The following NTM variants were observed in gnomAD, a reference collection of about 807,000 sequenced individuals.
The protein encoded by NTM is neurotrimin, also known as IgLON family member 2.
A neutral mutation model predicts 42.1 loss-of-function variants in NTM; 13 were observed. That is an observed-to-expected ratio of 0.31 (90% CI 0.20 to 0.49). The LOEUF (loss-of-function observed/expected upper bound fraction) is 0.49. Among genes scored for constraint, NTM ranks in the 20% least tolerant of loss-of-function variants. The pLI is 0.99. For synonymous variants in NTM, 187 were observed against 179.2 expected (o/e 1.04, Z -0.35); for missense variants, 373 against 452.8 (o/e 0.82, Z 1.60).
chr11:132,062,837 T>C (rs11222897), intron 2 of NTM, among the ~76,000 whole-genome samples: 15,837 of 152,154 alleles, frequency 0.1, 854 homozygotes, highest in South Asian at 0.19. Flanking sequence ...AGAAACTCCA[T>C]GGAGTAAATT....
At chr11:131,939,773 G>A (rs1298052148) in intron 2 of NTM, among the ~76,000 whole-genome samples, 1 of 152,186 alleles carries the variant, frequency 6.6e-6, no homozygotes, top group Non-Finnish European at 1.5e-5. Context: ...TTTACCAAAT[G>A]AAGAAGTGGA....
At chr11:132,127,467 C>T (rs2137023866) in intron 2 of NTM, among the ~76,000 whole-genome samples, 1 of 152,318 alleles carries the variant, frequency 6.6e-6, no homozygotes, top group South Asian at 2.1e-4. Flanking sequence ...AGGCCTGAGC[C>T]CTCTATAACA....
chr11:131,563,827 A>T (rs1253077789), intron 1 of NTM, among the ~76,000 whole-genome samples: 1 of 151,958 alleles, frequency 6.6e-6, no homozygotes, highest in Non-Finnish European at 1.5e-5. Context: ...TTTTCTGTCC[A>T]TGAGGCTTAA....
rs111860224 is a variant in NTM at position 131,707,801 on chromosome 11, T to C, written c.83-203763T>C. 7.9e-3 allele frequency among the ~76,000 whole-genome samples: 1,198 copies of C among 152,220 alleles called. 7 individuals carry two copies. Among genetic ancestry groups the C allele is most frequent in the Non-Finnish European group, 0.012 (801 of 67,962 alleles). On this transcript the variant is annotated intron_variant, in intron 1 of 8. Coordinates refer to ENST00000683400, the MANE Select transcript of NTM (RefSeq NM_001352005.2). ...CAACATAATAAAGGTGACAAGTCCA[T>C]AGCTAACATCATACTCAATGGTGAA...
intron 2 of NTM, among the ~76,000 whole-genome samples, chr11:132,083,148 T>G (rs2059294459): frequency 6.6e-6 from 1 of 152,224 alleles, no homozygotes; most frequent in African/African-American, 2.4e-5. Flanking sequence ...TTGTTTCTTC[T>G]GAGTTGCAGC....
chr11:131,752,296 C>CAGAGAA (rs2082660915), intron 1 of NTM, among the ~76,000 whole-genome samples: 1 of 152,194 alleles, frequency 6.6e-6, no homozygotes, highest in Non-Finnish European at 1.5e-5. Context: ...AAATGCTCAT[C>CAGAGAA]ATCACTGACC....
rs538855322 is a variant in NTM, at chr11:131,481,208, T to G, written c.82+110320T>G. ...TAAGAATATGGGCTTGAGGTGAATATTTAGCAGAATATTGAAGGTCAAGAG... is the reference window on the plus strand; with the variant it reads ...TAAGAATATGGGCTTGAGGTGAATAGTTAGCAGAATATTGAAGGTCAAGAG... On this transcript the variant is annotated intron_variant, in intron 1 of 8. Transcript: ENST00000683400. Among the ~76,000 whole-genome samples the G allele has an allele frequency of 8.5e-4, 129 of 152,278 alleles. 1 individual carries two copies. Among genetic ancestry groups the G allele is most frequent in the African/African-American group, 2.9e-3 (121 of 41,552 alleles).
At chr11:131,905,880 T>C (rs1288203707) in intron 1 of NTM, among the ~76,000 whole-genome samples, 1 of 152,100 alleles carries the variant, frequency 6.6e-6, no homozygotes, top group African/African-American at 2.4e-5. Flanking sequence ...AGAACCAAGA[T>C]TGTGCCTGGG....
intron 2 of NTM, among the ~76,000 whole-genome samples, chr11:132,135,337 A>T: frequency 6.6e-6 from 1 of 152,120 alleles, no homozygotes; most frequent in Admixed American, 6.5e-5. Context: ...CCTCCCAAAT[A>T]TCTCACACTC....
chr11:131,396,075 C>T (rs1009891398), intron 1 of NTM, among the ~76,000 whole-genome samples: 1 of 152,072 alleles, frequency 6.6e-6, no homozygotes, highest in Non-Finnish European at 1.5e-5. Context: ...CATGCAATGT[C>T]CCAGCACTCA....
At chr11:131,385,898 A>G (rs1440856456) in intron 1 of NTM, among the ~76,000 whole-genome samples, 5 of 152,214 alleles carry the variant, frequency 3.3e-5, no homozygotes, top group Admixed American at 1.3e-4. Context: ...TAAACATACT[A>G]AATCAGTCAG....
intron 1 of NTM, among the ~76,000 whole-genome samples, chr11:131,894,182 G>T (rs921569025): frequency 6.6e-6 from 1 of 152,162 alleles, no homozygotes; most frequent in Admixed American, 6.5e-5. Flanking sequence ...GCAATTGTGC[G>T]GCTTCTCTTC....
intron 1 of NTM, among the ~76,000 whole-genome samples, chr11:131,732,569 A>G (rs1462717699): frequency 6.6e-6 from 1 of 152,208 alleles, no homozygotes; most frequent in African/African-American, 2.4e-5. Context: ...ATTTTGATGA[A>G]ACGCCCCCAA....
intron 1 of NTM, among the ~76,000 whole-genome samples, chr11:131,745,992 G>C (rs1435695495): frequency 6.6e-6 from 1 of 152,006 alleles, no homozygotes; most frequent in Admixed American, 6.6e-5. Context: ...TATCACGTGC[G>C]CTGGTGGGAG....
chr11:131,560,137 T>G (rs318986), intron 1 of NTM, among the ~76,000 whole-genome samples: 67,629 of 152,018 alleles, frequency 0.44, 16,587 homozygotes, highest in African/African-American at 0.64. Flanking sequence ...GGTAAAAGTT[T>G]TGAACCAATC....
intron 1 of NTM, among the ~76,000 whole-genome samples, chr11:131,861,430 ATC>A (rs1318552420): frequency 2.0e-5 from 3 of 152,154 alleles, no homozygotes; most frequent in African/African-American, 7.2e-5. Context: ...CCTGCCGTAA[ATC>A]TCTTTCCTTC....
intron 1 of NTM, among the ~76,000 whole-genome samples, chr11:131,769,176 G>A (rs1338433789): frequency 1.3e-5 from 2 of 152,180 alleles, no homozygotes; most frequent in Non-Finnish European, 2.9e-5. Flanking sequence ...TTACCTCACA[G>A]AGATTATCTC....
chr11:131,972,081 C>T (rs1250911934), intron 2 of NTM, among the ~76,000 whole-genome samples: 4 of 134,354 alleles, frequency 3.0e-5, no homozygotes, highest in Admixed American at 2.3e-4. Flanking sequence ...GGTGTGGTGG[C>T]ACACAACTGT....
chr11:131,896,126 AAGAT>A (rs1476593965), intron 1 of NTM, among the ~76,000 whole-genome samples: 9 of 152,224 alleles, frequency 5.9e-5, no homozygotes, highest in Non-Finnish European at 1.2e-4. Context: ...CTGCCTGAGA[AAGAT>A]AAAGCTGGCT....
Sources: allele counts gnomAD v4.1 joint callset (sites outside exome capture counted in the v4.1 genomes callset), GRCh38; gene constraint gnomAD v4.1.1; transcripts MANE v1.5; gene names NCBI Gene and HGNC (gene_info 2026-07-23, HGNC 2026-07-21).